Variants in ABI3BP observed in about 807,000 individuals in gnomAD.
ABI3BP encodes target of Nesh-SH3.
ABI3BP carries 216 observed loss-of-function variants against 268.6 expected under a neutral mutation model. That is an observed-to-expected ratio of 0.80 (90% CI 0.72 to 0.90). ABI3BP has a LOEUF of 0.90. Ranked by LOEUF, ABI3BP falls within the 40% of genes least tolerant of loss-of-function variation. The pLI, the probability that ABI3BP is intolerant of heterozygous loss-of-function variation, is 0.00. For synonymous variants in ABI3BP, 730 were observed against 730.0 expected (o/e 1.00, Z 0.00); for missense variants, 2,090 against 2,182.4 (o/e 0.96, Z 0.84).
At chr3:100,980,240 T>TC (rs1212852819) in intron 1 of ABI3BP, among the ~76,000 whole-genome samples, 1 of 152,206 alleles carries the variant, frequency 6.6e-6, no homozygotes, top group Non-Finnish European at 1.5e-5. Context: ...ATTTCTTTTT[T>TC]CTTTTTTTTG....
chr3:100,899,951 T>A (rs1017553564), intron 3 of ABI3BP, among the ~76,000 whole-genome samples: 1 of 152,222 alleles, frequency 6.6e-6, no homozygotes, highest in African/African-American at 2.4e-5. Flanking sequence ...TTGGTGGTCA[T>A]CTGAATCAAA....
chr3:100,751,282 A>C (rs1347603970), intron 67 of ABI3BP, among the ~76,000 whole-genome samples: 1 of 152,188 alleles, frequency 6.6e-6, no homozygotes, highest in African/African-American at 2.4e-5. Context: ...TTAATAAATG[A>C]GTGATTTAAG....
chr3:100,816,140 A>G, intron 43 of ABI3BP, 169 bp from the exon 44 acceptor site: 1 of 551,190 alleles, frequency 1.8e-6, no homozygotes. Context: ...ACTAGCTAGA[A>G]CAATTCATCA....
Position 100,885,521 on chromosome 3 carries a change from TA to T in ABI3BP, c.696+14del. On this transcript the variant is annotated intron_variant, in intron 6 of 67. Transcript: ENST00000471714. Reference sequence around the variant, plus strand: ...AATTTTTTAAAAACATTCTTGAAAATAAACTGTTACATACCACTGTGTGGTC... The same window carrying T: ...AATTTTTTAAAAACATTCTTGAAAATAACTGTTACATACCACTGTGTGGTC... 1 of 1,460,680 alleles carries T rather than the reference TA, an allele frequency of 6.8e-7. No homozygotes were observed. The highest frequency in any genetic ancestry group is 9.2e-7 in the Non-Finnish European group (1 of 1,092,132). The allele number at this position is 1,460,680 out of a possible 1,614,324, so 90.5% of individuals were successfully genotyped here.
chr3:100,799,514 A>G (rs1376643372), intron 51 of ABI3BP, among the ~76,000 whole-genome samples: 1 of 152,188 alleles, frequency 6.6e-6, no homozygotes, highest in Non-Finnish European at 1.5e-5. Flanking sequence ...TGAAGCATGC[A>G]GCCCAAAGGT....
intron 57 of ABI3BP, among the ~76,000 whole-genome samples, chr3:100,783,714 T>G (rs571743762): frequency 6.6e-6 from 1 of 152,330 alleles, no homozygotes; most frequent in Non-Finnish European, 1.5e-5. Context: ...GCCACAACGA[T>G]TCAACTCTGC....
Position 100,754,642 on chromosome 3 carries a change from T to C in ABI3BP, c.4900A>G (p.Ser1634Gly). Residue 1634 changes from serine to glycine, a missense_variant, in exon 64 of 68, where the codon AGC becomes GGC. Physicochemically the swap from Ser to Gly is moderately conservative, Grantham distance 56. Coordinates refer to ENST00000471714, the MANE Select transcript of ABI3BP (RefSeq NM_001375547.2). Reference sequence around the variant, plus strand: ...TCAGTACTGAATGCCACTGTGTTGCTGACCGGGCCTTCACCAAGCGGGTTT... The same window carrying C: ...TCAGTACTGAATGCCACTGTGTTGCCGACCGGGCCTTCACCAAGCGGGTTT... ...PKNPLGEGPVSNTVAFSTESA... is the reference protein window; with the variant it reads ...PKNPLGEGPVGNTVAFSTESA... 6.3e-7 allele frequency: 1 copy of C among 1,591,810 alleles called. No individual in the cohort carries two copies. The highest frequency in any genetic ancestry group is 8.6e-7 in the Non-Finnish European group (1 of 1,168,014).
chr3:100,925,187 T>C lies in ABI3BP; in HGVS notation c.259+1115A>G, dbSNP rs78190051. On this transcript the variant is annotated intron_variant, in intron 2 of 67. Transcript: ENST00000471714. Reference sequence around the variant, plus strand: ...TTTTGAAGTCCAACAGAGACGTCTGTATGAGAAACAAGAGGCTACAGGACA... The same window carrying C: ...TTTTGAAGTCCAACAGAGACGTCTGCATGAGAAACAAGAGGCTACAGGACA... Among the ~76,000 whole-genome samples the C allele has an allele frequency of 7.3e-4, 111 of 152,288 alleles. 1 individual carries two copies. Among genetic ancestry groups the C allele is most frequent in the African/African-American group, 2.6e-3 (109 of 41,570 alleles).
intron 44 of ABI3BP, among the ~76,000 whole-genome samples, chr3:100,815,518 A>G (rs1243460245): frequency 6.6e-6 from 1 of 152,130 alleles, no homozygotes; most frequent in Non-Finnish European, 1.5e-5. Context: ...TAGGAAGAAA[A>G]TAATGAGACT....
At chr3:100,876,324 G>A (rs1229029664) in intron 7 of ABI3BP, among the ~76,000 whole-genome samples, 188 bp downstream of exon 7, 1 of 151,960 alleles carries the variant, frequency 6.6e-6, no homozygotes, top group Non-Finnish European at 1.5e-5. Flanking sequence ...CCCAAAGCTT[G>A]GTGTATTGGT....
chr3:100,830,627 G>A lies in ABI3BP; in HGVS notation c.2409C>T (p.Ala803=). 1 of 1,529,624 alleles carries A rather than the reference G, an allele frequency of 6.5e-7. No homozygotes were observed. Among genetic ancestry groups the A allele is most frequent in the Non-Finnish European group, 8.8e-7 (1 of 1,142,744 alleles). 94.8% of individuals were successfully genotyped at this position (1,529,624 alleles called of 1,614,324 possible). The part of the protein sequence containing the change: ...PEVPQTKLVP[A]TILEPVLRTE... ...TTCTAAGAACTGGTTCGAGGATTGT[G>A]GCAGGAACTGATCAAAAGTAATAAA... The change falls in exon 32 of 68, where the codon GCC becomes GCT. Residue 803 remains alanine (A), a synonymous_variant. Transcript: ENST00000471714.
intron 1 of ABI3BP, among the ~76,000 whole-genome samples, chr3:100,931,826 C>T (rs544804050): frequency 6.6e-6 from 1 of 152,050 alleles, no homozygotes; most frequent in African/African-American, 2.4e-5. Context: ...CTACGAATGA[C>T]ATTTTTTTCA....
intron 51 of ABI3BP, among the ~76,000 whole-genome samples, chr3:100,802,491 A>G (rs1208558476): frequency 1.3e-5 from 2 of 152,186 alleles, no homozygotes; most frequent in Non-Finnish European, 2.9e-5. Context: ...AGCCACTTTC[A>G]TTTTGGTGTG....
intron 39 of ABI3BP, 110 bp downstream of exon 39, chr3:100,820,944 G>A: frequency 1.1e-6 from 1 of 900,068 alleles, no homozygotes; most frequent in Non-Finnish European, 1.7e-6. Flanking sequence ...GAATGAAACA[G>A]AGAATGATGA....
rs891799818 is a variant in ABI3BP at position 100,821,001 on chromosome 3, G to T, written c.2947+53C>A. ...AATCTGCGGCTATGATGATGGAATGGGTTTGACGATGAGAAGGAAGAACAC... is the reference window on the plus strand; with the variant it reads ...AATCTGCGGCTATGATGATGGAATGTGTTTGACGATGAGAAGGAAGAACAC... On this transcript the variant is annotated intron_variant, in intron 39 of 67. Transcript: ENST00000471714. 3.1e-5 allele frequency: 44 copies of T among 1,415,256 alleles called. 1 individual carries two copies. The South Asian group carries it at 5.0e-4, about 16-fold the overall frequency. 87.7% of individuals were successfully genotyped at this position (1,415,256 alleles called of 1,614,324 possible). A position where few individuals can be genotyped will look rare whatever the true frequency, so the allele number is the denominator to read the frequency against.
At position 100,810,395 on chromosome 3, in the gene ABI3BP, C is replaced by G; in HGVS notation, c.3607+17G>C. On this transcript the variant is annotated intron_variant, in intron 49 of 67. Transcript: ENST00000471714. Reference sequence around the variant, plus strand: ...AAACACTCACCTCATATATGACATACAAAATAATGTATTTACCAGGTTCAG... The same window carrying G: ...AAACACTCACCTCATATATGACATAGAAAATAATGTATTTACCAGGTTCAG... 6.6e-7 allele frequency: 1 copy of G among 1,525,228 alleles called. No homozygotes were observed. The highest frequency in any genetic ancestry group is 8.8e-7 in the Non-Finnish European group (1 of 1,137,564). The allele number at this position is 1,525,228 out of a possible 1,614,324, so 94.5% of individuals were successfully genotyped here.
chr3:100,876,608 T>C (rs767743967), intron 6 of ABI3BP, 48 bp from the exon 7 acceptor site: 1 of 1,550,716 alleles, frequency 6.4e-7, no homozygotes, highest in Admixed American at 1.7e-5. Flanking sequence ...GTGAATAACT[T>C]TCTGTTCTTT....
At position 100,836,995 on chromosome 3, in the gene ABI3BP, T is replaced by G. The variant is rs1463875877; in HGVS notation, c.2131+129A>C. ...ATGTTAAAAAGGCCCCTGTTGAAAA[T>G]AGTGAAAATTTTTAAAAATGAAAAC... On this transcript the variant is annotated intron_variant, in intron 27 of 67. Coordinates refer to ENST00000471714, the MANE Select transcript of ABI3BP (RefSeq NM_001375547.2). The G allele has an allele frequency of 3.5e-6, 3 of 860,464 alleles. No homozygotes were observed. In the East Asian group the frequency reaches 8.3e-5, roughly 24 times the overall value. 53.3% of individuals were successfully genotyped at this position (860,464 alleles called of 1,614,324 possible).
intron 19 of ABI3BP, among the ~76,000 whole-genome samples, chr3:100,847,283 TA>T (rs1179196557): frequency 1.3e-5 from 2 of 151,926 alleles, no homozygotes; most frequent in Non-Finnish European, 2.9e-5. Flanking sequence ...AGAGTCTTAC[TA>T]AAAAATAAAA....
Sources: gnomAD v4.1 joint callset for allele counts (sites outside exome capture counted in the v4.1 genomes callset) on GRCh38, gnomAD v4.1.1 for gene constraint, MANE v1.5 for transcripts, NCBI Gene and HGNC (gene_info 2026-07-23, HGNC 2026-07-21) for gene names.